HACL1: variants seen among roughly 807,000 people sequenced by gnomAD.
HACL1 encodes 2-hydroxyacyl-CoA lyase 1.
Under a neutral mutation model 74.2 loss-of-function variants are expected in HACL1, and 64 were observed. That is an observed-to-expected ratio of 0.86 (90% CI 0.70 to 1.06). The LOEUF (loss-of-function observed/expected upper bound fraction) is 1.06, where lower values mean the gene tolerates loss of function less well. HACL1 is among the 50% of genes least tolerant of loss of function. HACL1 has a pLI of 0.00. For missense variants in HACL1, 728 were observed against 719.7 expected, an observed-to-expected ratio of 1.01 and a Z score of -0.13; for synonymous variants, 230 against 238.8, an observed-to-expected ratio of 0.96 and a Z score of 0.34.
At chr3:15,571,576 G>C (rs1316498846) in intron 12 of HACL1, 92 bp downstream of exon 12, 3 of 754,400 alleles carry the variant, frequency 4.0e-6, no homozygotes, top group Non-Finnish European at 7.1e-6. Context: ...GCACATCAAG[G>C]TGATTTTTAG....
At chr3:15,573,291 T>C in intron 10 of HACL1, 49 bp from the exon 11 acceptor site, 1 of 1,086,974 alleles carries the variant, frequency 9.2e-7, no homozygotes, top group Admixed American at 1.7e-5. Flanking sequence ...TTCTGAAAAA[T>C]ATGTAAGAAG....
At chr3:15,580,286 G>A (rs967144532) in intron 8 of HACL1, among the ~76,000 whole-genome samples, 1 of 151,820 alleles carries the variant, frequency 6.6e-6, no homozygotes, top group African/African-American at 2.4e-5. Context: ...CATCACCACC[G>A]CACTCAGCTA....
Position 15,567,994 on chromosome 3 carries a change from G to C in HACL1, c.1259C>G (p.Ala420Gly), listed in dbSNP as rs1423356451. Residue 420 changes from alanine to glycine, a missense_variant, in exon 14 of 17, where the codon GCT (alanine) becomes GGT (glycine). By Grantham distance (60) the Ala-to-Gly change is moderately conservative. Coordinates refer to ENST00000321169, the MANE Select transcript of HACL1 (RefSeq NM_012260.4). ...QNYLPRHRLD[A>G]GTFGTMGVGL... ...AACTCCCATTGTTCCGAAAGTACCA[G>C]CATCAAGCCTGTTGGAGAACAAAGT... The C allele has an allele frequency of 1.2e-6, 2 of 1,614,106 alleles. No individual in the cohort carries two copies. Among genetic ancestry groups the C allele is most frequent in the Middle Eastern group, 3.3e-4 (2 of 6,062 alleles).
At chr3:15,593,309 G>A (rs1255249648) in intron 3 of HACL1, among the ~76,000 whole-genome samples, 3 of 151,714 alleles carry the variant, frequency 2.0e-5, no homozygotes, top group Non-Finnish European at 4.4e-5. Flanking sequence ...AACCTCCTAA[G>A]CTCAGGTGAT....
intron 2 of HACL1, among the ~76,000 whole-genome samples, chr3:15,599,979 T>C (rs2064158385): frequency 1.3e-5 from 2 of 152,152 alleles, no homozygotes; most frequent in South Asian, 4.1e-4. Flanking sequence ...CAGAATGTTG[T>C]TCTAACAAAG....
In HACL1 at chr3:15,582,905, G is replaced by A. The variant is rs2063736732; in HGVS notation, c.639C>T (p.Ala213=). Residue 213 remains alanine (A), a synonymous_variant, in exon 8 of 17, where the codon GCC becomes GCT. Coordinates refer to ENST00000321169, the MANE Select transcript of HACL1 (RefSeq NM_012260.4). Reference sequence around the variant, plus strand: ...TCCCGATGATAAGAAGGGGTTGTTTGGCATTCCTAATAACAGAAGCCGCCG... The same window carrying A: ...TCCCGATGATAAGAAGGGGTTGTTTAGCATTCCTAATAACAGAAGCCGCCG... The part of the protein sequence containing the change: ...VCTAASVIRN[A]KQPLLIIGKG... 6.2e-7 allele frequency: 1 copy of A among 1,604,050 alleles called. No homozygotes were observed. The highest frequency in any genetic ancestry group is 8.5e-7 in the Non-Finnish European group (1 of 1,171,108).
chr3:15,571,044 C>T (rs1407896935), intron 12 of HACL1, among the ~76,000 whole-genome samples: 1 of 152,024 alleles, frequency 6.6e-6, no homozygotes, highest in African/African-American at 2.4e-5. Flanking sequence ...GTGGCATGAT[C>T]TACTACTGCA....
rs767277731 is a variant in HACL1, at chr3:15,567,831, G to A, written c.1409+13C>T. The A allele has an allele frequency of 4.4e-6, 7 of 1,608,482 alleles. No homozygotes were observed. In the South Asian group the frequency reaches 6.6e-5, roughly 15 times the overall value. On this transcript the variant is annotated intron_variant, in intron 14 of 16. Transcript: ENST00000321169. ...TAGAGAATCAAATGCTCTGATTCAGGATGATGTTTTACCTGCAGATGGTTT... is the reference window on the plus strand; with the variant it reads ...TAGAGAATCAAATGCTCTGATTCAGAATGATGTTTTACCTGCAGATGGTTT...
At chr3:15,593,367 C>G (rs1403258653) in intron 3 of HACL1, among the ~76,000 whole-genome samples, 1 of 151,948 alleles carries the variant, frequency 6.6e-6, no homozygotes, top group Non-Finnish European at 1.5e-5. Context: ...GCAGATGCCA[C>G]CACACCCGGC....
intron 7 of HACL1, among the ~76,000 whole-genome samples, 180 bp downstream of exon 7, chr3:15,585,068 T>C (rs904130288): frequency 2.0e-5 from 3 of 152,372 alleles, no homozygotes; most frequent in African/African-American, 4.8e-5. Flanking sequence ...AAATAACTAC[T>C]AATATCATTT....
intron 14 of HACL1, among the ~76,000 whole-genome samples, 195 bp downstream of exon 14, chr3:15,567,649 G>T (rs1461608783): frequency 6.6e-6 from 1 of 152,202 alleles, no homozygotes; most frequent in Non-Finnish European, 1.5e-5. Flanking sequence ...ACCATACAGT[G>T]AGGAGGCCAG....
chr3:15,568,442 G>A lies in HACL1; in HGVS notation c.1240C>T (p.Pro414Ser). 6.3e-7 allele frequency: 1 copy of A among 1,585,278 alleles called. No homozygotes were observed. Among genetic ancestry groups the A allele is most frequent in the Non-Finnish European group, 8.6e-7 (1 of 1,164,492 alleles). The change falls in exon 13 of 17, where the codon CCT becomes TCT. Residue 414 changes from proline (P) to serine (S), a missense_variant. Transcript: ENST00000321169. ...IGRTVLQNYLPRHRLDAGTFG... is the reference protein window; with the variant it reads ...IGRTVLQNYLSRHRLDAGTFG... ...CTTTAGAAGTCTTACCTGTGACGAG[G>A]AAGGTAGTTCTGAAGCACAGTCCGT...
At chr3:15,594,136 G>A (rs540709260) in intron 3 of HACL1, among the ~76,000 whole-genome samples, 9 of 152,276 alleles carry the variant, frequency 5.9e-5, no homozygotes, top group Admixed American at 2.0e-4. Flanking sequence ...GGCTGAGCAC[G>A]GTGGCTGACG....
chr3:15,582,693 A>C (rs1262364774), intron 8 of HACL1, among the ~76,000 whole-genome samples, 184 bp downstream of exon 8: 1 of 152,244 alleles, frequency 6.6e-6, no homozygotes, highest in Non-Finnish European at 1.5e-5. Context: ...TTTCCTTAAA[A>C]GGGTGAAATC....
At chr3:15,566,641 G>T (rs1313715626) in intron 14 of HACL1, among the ~76,000 whole-genome samples, 2 of 151,184 alleles carry the variant, frequency 1.3e-5, no homozygotes, top group Non-Finnish European at 2.9e-5. Context: ...GGGTGACAAA[G>T]CAAGACCCCA....
In HACL1 at chr3:15,585,994, T is replaced by C. The variant is rs573765792; in HGVS notation, c.459+531A>G. Among the ~76,000 whole-genome samples, 59 of 152,230 alleles carry C rather than the reference T, an allele frequency of 3.9e-4. No homozygotes were observed. The South Asian group carries it at 0.011, about 29-fold the overall frequency. ...TCAGACTATGTGTATAAGGTACATA[T>C]GAAAAATAAATGAATTTCATATTTA... is the stretch of plus-strand genomic sequence containing the variant. On this transcript the variant is annotated intron_variant, in intron 6 of 16. Coordinates refer to ENST00000321169, the MANE Select transcript of HACL1 (RefSeq NM_012260.4).
At chr3:15,593,358 C>G (rs1220692356) in intron 3 of HACL1, among the ~76,000 whole-genome samples, 1 of 151,896 alleles carries the variant, frequency 6.6e-6, no homozygotes, top group Non-Finnish European at 1.5e-5. Flanking sequence ...GGACTACAGG[C>G]AGATGCCACC....
In HACL1 at chr3:15,571,650, C is replaced by T; in HGVS notation, c.1095+18G>A. ...ATGAGCCTGACCTGTTATTGAGCGTCAGTAGGTCCGATTTTACCTTGGATG... is the reference window on the plus strand; with the variant it reads ...ATGAGCCTGACCTGTTATTGAGCGTTAGTAGGTCCGATTTTACCTTGGATG... On this transcript the variant is annotated intron_variant, in intron 12 of 16. Coordinates refer to ENST00000321169, the MANE Select transcript of HACL1 (RefSeq NM_012260.4). 4.0e-6 allele frequency: 4 copies of T among 1,008,588 alleles called. No individual in the cohort carries two copies. Among genetic ancestry groups the T allele is most frequent in the Non-Finnish European group, 6.4e-6 (4 of 628,136 alleles). 62.5% of individuals were successfully genotyped at this position (1,008,588 alleles called of 1,614,324 possible).
chr3:15,563,985 A>G (rs2063389896), intron 15 of HACL1, among the ~76,000 whole-genome samples: 1 of 152,242 alleles, frequency 6.6e-6, no homozygotes, highest in Non-Finnish European at 1.5e-5. Flanking sequence ...AAAAAAAAAG[A>G]TTACTGCAAA....
Sources: gnomAD v4.1 joint callset for allele counts (sites outside exome capture counted in the v4.1 genomes callset) on GRCh38, gnomAD v4.1.1 for gene constraint, MANE v1.5 for transcripts, NCBI Gene and HGNC (gene_info 2026-07-23, HGNC 2026-07-21) for gene names.